The following MLLT6 variants were observed in gnomAD, a reference collection of about 807,000 sequenced individuals.
The protein encoded by MLLT6 is protein AF-17.
Under a neutral mutation model 103.0 loss-of-function variants are expected in MLLT6, and 22 were observed. That is an observed-to-expected ratio of 0.21 (90% confidence interval 0.15 to 0.31). MLLT6 has a LOEUF of 0.31. MLLT6 is among the 10% of genes least tolerant of loss of function. MLLT6 has a pLI of 1.00. For missense variants in MLLT6, 1,199 were observed against 1,441.7 expected, an observed-to-expected ratio of 0.83 and a Z score of 2.73; for synonymous variants, 606 against 623.5, an observed-to-expected ratio of 0.97 and a Z score of 0.42.
chr17:38,714,011 A>G (rs566609240), intron 8 of MLLT6: 31 of 152,382 alleles, frequency 2.0e-4, no homozygotes, highest in African/African-American at 7.2e-4. Flanking sequence ...ACTAGGAGGA[A>G]AAGGGCCTTC....
intron 16 of MLLT6, 115 bp from the exon 17 acceptor site, chr17:38,721,763 G>T: frequency 1.6e-6 from 1 of 639,364 alleles, no homozygotes; most frequent in East Asian, 3.4e-5. Context: ...CTTCCAGGGT[G>T]CCTGGGGGTG....
At chr17:38,711,514 A>C (rs1289871942) in intron 6 of MLLT6, among the ~76,000 whole-genome samples, 2 of 152,120 alleles carry the variant, frequency 1.3e-5, no homozygotes, top group African/African-American at 4.8e-5. Flanking sequence ...GCCGTGGCTC[A>C]GTCAGCCAAG....
chr17:38,717,865 T>C lies in MLLT6; in HGVS notation c.1854T>C (p.Ser618=). Residue 618 remains serine, a synonymous_variant, in exon 12 of 20, where the codon TCT becomes TCC. Transcript: ENST00000621332. The part of the protein sequence containing the change: ...STTQVFSLAG[S]TFSLPSTHIF... ...CTTAGGTGTTTTCTCTGGCTGGCTC[T>C]ACCTTTAGCCTCCCTTCTACCCACA... 1 of 1,613,892 alleles carries C rather than the reference T, an allele frequency of 6.2e-7. No individual in the cohort carries two copies. The highest frequency in any genetic ancestry group is 8.5e-7 in the Non-Finnish European group (1 of 1,179,766).
At chr17:38,710,805 GT>G (rs1287642576) in intron 6 of MLLT6, among the ~76,000 whole-genome samples, 3 of 152,212 alleles carry the variant, frequency 2.0e-5, no homozygotes, top group Admixed American at 6.5e-5. Context: ...TTTTGAAAGT[GT>G]CCAGGTTTGG....
chr17:38,724,601 C>A lies in MLLT6; in HGVS notation c.2884-19C>A, dbSNP rs763919952. 5.8e-6 allele frequency: 9 copies of A among 1,544,504 alleles called. No homozygotes were observed. Among genetic ancestry groups the A allele is most frequent in the Non-Finnish European group, 7.9e-6 (9 of 1,139,736 alleles). On this transcript the variant is annotated intron_variant, in intron 18 of 19. Coordinates refer to ENST00000621332, the MANE Select transcript of MLLT6 (RefSeq NM_005937.4). This position sits in a 1 kb window ranked among gnomAD's most constrained non-coding sequence, Gnocchi z 5.4. ...ACCCCCGGGACTGTTGGCCAACAAG[C>A]GGTCTGGCCCCCTTGCAGGAACACC...
rs145772552 is a variant in MLLT6, at chr17:38,711,909, G to C, written c.615G>C (p.Met205Ile). 1.4e-4 allele frequency: 220 copies of C among 1,606,538 alleles called. No individual in the cohort carries two copies. The East Asian group carries it at 3.9e-3, about 28-fold the overall frequency. The change falls in exon 7 of 20, where the codon ATG (methionine) becomes ATC (isoleucine). Residue 205 changes from methionine to isoleucine, a missense_variant. This residue lies in a region of MLLT6 where 1,034 missense variants were observed against 1,091.5 expected (regional missense o/e 0.95). Coordinates refer to ENST00000621332, the MANE Select transcript of MLLT6 (RefSeq NM_005937.4). Reference sequence around the variant, plus strand: ...GCGCTGGAGGAGGAGGTGGCAGCATGGGGGGAGGTGGCAGTGGTTTCATCT... The same window carrying C: ...GCGCTGGAGGAGGAGGTGGCAGCATCGGGGGAGGTGGCAGTGGTTTCATCT... The part of the protein sequence containing the change: ...GGGAGGGGGS[M>I]GGGGSGFISG...
In MLLT6 at chr17:38,711,137, G is replaced by A. The variant is rs148798256; in HGVS notation, c.553-710G>A. ...CTGAAATTAGCCCTTGGGTTTGGCA[G>A]TTGGGAGGTAGCTGGTGACCTTAGA... On this transcript the variant is annotated intron_variant, in intron 6 of 19. Coordinates refer to ENST00000621332, the MANE Select transcript of MLLT6 (RefSeq NM_005937.4). Among the ~76,000 whole-genome samples the A allele has an allele frequency of 2.0e-3, 308 of 152,278 alleles. 1 individual carries two copies. Among genetic ancestry groups the A allele is most frequent in the African/African-American group, 7.1e-3 (294 of 41,530 alleles).
chr17:38,724,537 G>GGGCCT lies in MLLT6; in HGVS notation c.2884-78_2884-74dup. 9.7e-7 allele frequency: 1 copy of GGGCCT among 1,035,168 alleles called. No individual in the cohort carries two copies. The highest frequency in any genetic ancestry group is 2.7e-5 in the Admixed American group (1 of 37,498). The allele number at this position is 1,035,168 out of a possible 1,614,324, so 64.1% of individuals were successfully genotyped here. On this transcript the variant is annotated intron_variant, in intron 18 of 19. Transcript: ENST00000621332. The surrounding 1 kb of genome is among the most constrained non-coding windows in gnomAD (Gnocchi z 5.4). ...CTCCTGATTCCAGTGTGATGGGGTG[G>GGGCCT]GGCCTGGCCAGGCAGGGCAGGCAGG...
chr17:38,711,911 G>T lies in MLLT6; in HGVS notation c.617G>T (p.Gly206Val), dbSNP rs1019076988. The change falls in exon 7 of 20, where the codon GGG (glycine) becomes GTG (valine). Residue 206 changes from glycine to valine, a missense_variant. This residue lies in a region of MLLT6 where 1,034 missense variants were observed against 1,091.5 expected (regional missense o/e 0.95). Coordinates refer to ENST00000621332, the MANE Select transcript of MLLT6 (RefSeq NM_005937.4). ...GGAGGGGGSM[G>V]GGGSGFISGR... ...GCTGGAGGAGGAGGTGGCAGCATGGGGGGAGGTGGCAGTGGTTTCATCTCT... is the reference window on the plus strand; with the variant it reads ...GCTGGAGGAGGAGGTGGCAGCATGGTGGGAGGTGGCAGTGGTTTCATCTCT... The T allele has an allele frequency of 1.9e-6, 3 of 1,608,456 alleles. No homozygotes were observed. The highest frequency in any genetic ancestry group is 1.3e-5 in the African/African-American group (1 of 74,756).
chr17:38,722,906 G>A (rs752913632), intron 18 of MLLT6, 138 bp downstream of exon 18: 104 of 685,124 alleles, frequency 1.5e-4, no homozygotes, highest in Non-Finnish European at 2.0e-4. Flanking sequence ...GTGGGACTGG[G>A]GCTGGGCCCT....
chr17:38,707,089 G>A (rs1904962258), intron 2 of MLLT6, 60 bp downstream of exon 2: 1 of 1,473,180 alleles, frequency 6.8e-7, no homozygotes. Context: ...GAGCGTCTCA[G>A]GTTGAGCTAG....
At chr17:38,717,350 G>C in intron 10 of MLLT6, 82 bp from the exon 11 acceptor site, 2 of 1,152,336 alleles carry the variant, frequency 1.7e-6, no homozygotes, top group Non-Finnish European at 1.2e-6. Context: ...CTCGAGCTGG[G>C]GAGGGGCTGT....
At chr17:38,715,566 A>G (rs1423005683) in intron 8 of MLLT6, 46 bp from the exon 9 acceptor site, 2 of 1,566,594 alleles carry the variant, frequency 1.3e-6, no homozygotes, top group East Asian at 4.5e-5. Flanking sequence ...GGATCAGCAC[A>G]GGCCCAGGCA....
Position 38,709,111 on chromosome 17 carries a change from TA to T in MLLT6, c.355-60del. On this transcript the variant is annotated intron_variant, in intron 4 of 19. Coordinates refer to ENST00000621332, the MANE Select transcript of MLLT6 (RefSeq NM_005937.4). This position sits in a 1 kb window ranked among gnomAD's most constrained non-coding sequence, Gnocchi z 4.3. ...AGCAAATGGAATGGAGGGGGTGGCC[TA>T]AGGACCATCAGTAGAACAGGGGCTC... 7.8e-7 allele frequency: 1 copy of T among 1,285,286 alleles called. No homozygotes were observed. Among genetic ancestry groups the T allele is most frequent in the Non-Finnish European group, 1.1e-6 (1 of 901,162 alleles). The allele number at this position is 1,285,286 out of a possible 1,614,324, so 79.6% of individuals were successfully genotyped here.
rs1042259732 is a variant in MLLT6 at position 38,727,807 on chromosome 17, A to T, written c.*2209A>T. 3.5e-5 allele frequency: 8 copies of T among 230,990 alleles called. No homozygotes were observed. The highest frequency in any genetic ancestry group is 1.5e-4 in the African/African-American group (7 of 45,198). 14.3% of individuals were successfully genotyped at this position (230,990 alleles called of 1,614,324 possible). A position where few individuals can be genotyped will look rare whatever the true frequency, so the allele number is the denominator to read the frequency against. The stretch of plus-strand genomic sequence containing the variant: ...GAGACTCTGTCTCAAAAGAGAAAAA[A>T]AAAGAAAAGTAACCTTCAGAGATTC... On this transcript the variant is annotated 3_prime_UTR_variant, in exon 20 of 20. Coordinates refer to ENST00000621332, the MANE Select transcript of MLLT6 (RefSeq NM_005937.4).
chr17:38,715,659 G>A lies in MLLT6; in HGVS notation c.867G>A (p.Gln289=). 1.2e-6 allele frequency: 2 copies of A among 1,614,060 alleles called. No homozygotes were observed. Among genetic ancestry groups the A allele is most frequent in the East Asian group, 2.2e-5 (1 of 44,878 alleles). The change falls in exon 9 of 20, where the codon CAG becomes CAA. Residue 289 remains glutamine, a synonymous_variant. Coordinates refer to ENST00000621332, the MANE Select transcript of MLLT6 (RefSeq NM_005937.4). ...CCTCCCACCACGAGGCCAGCACGCA[G>A]GAGACCTCTGAGAGCAGCAGGGAGT... is the stretch of plus-strand genomic sequence containing the variant. ...SSSSHHEAST[Q]ETSESSRESK...
Position 38,716,304 on chromosome 17 carries a change from C to T in MLLT6, c.1037-63C>T, listed in dbSNP as rs1006761417. 52 of 1,528,068 alleles carry T rather than the reference C, an allele frequency of 3.4e-5. No homozygotes were observed. The Admixed American group carries it at 4.2e-4, about 12-fold the overall frequency. 94.7% of individuals were successfully genotyped at this position (1,528,068 alleles called of 1,614,324 possible). A position where few individuals can be genotyped will look rare whatever the true frequency, so the allele number is the denominator to read the frequency against. Reference sequence around the variant, plus strand: ...CAGAGCTCTCTCCCGCCAGTACACGCGGGAGTGGGAGGGAGTGCGGGGATC... The same window carrying T: ...CAGAGCTCTCTCCCGCCAGTACACGTGGGAGTGGGAGGGAGTGCGGGGATC... On this transcript the variant is annotated intron_variant, in intron 9 of 19. Coordinates refer to ENST00000621332, the MANE Select transcript of MLLT6 (RefSeq NM_005937.4). The surrounding 1 kb of genome is among the most constrained non-coding windows in gnomAD (Gnocchi z 5.6).
chr17:38,706,577 C>T (rs1320630909), intron 1 of MLLT6: 1 of 187,128 alleles, frequency 5.3e-6, no homozygotes, highest in East Asian at 1.3e-4. Flanking sequence ...ATCCCCCCGC[C>T]CACAACAACA....
Position 38,727,578 on chromosome 17 carries a change from G to A in MLLT6, c.*1980G>A, listed in dbSNP as rs1009286370. On this transcript the variant is annotated 3_prime_UTR_variant, in exon 20 of 20. Transcript: ENST00000621332. ...AACACTTTGGGAGGCTGAGGCGGGC[G>A]GATCACTTAAGGTCAGGAGTTCAAG... 1.1e-4 allele frequency: 21 copies of A among 195,648 alleles called. No homozygotes were observed. The highest frequency in any genetic ancestry group is 4.9e-4 in the Admixed American group (8 of 16,446). 12.1% of individuals were successfully genotyped at this position (195,648 alleles called of 1,614,324 possible). A position where few individuals can be genotyped will look rare whatever the true frequency, so the allele number is the denominator to read the frequency against.
Sources: gnomAD v4.1 joint callset for allele counts (sites outside exome capture counted in the v4.1 genomes callset) on GRCh38, gnomAD v4.1.1 for gene constraint, gnomAD v4.1.1 regional missense constraint, Gnocchi (gnomAD v3.1) non-coding constraint, MANE v1.5 for transcripts, NCBI Gene and HGNC (gene_info 2026-07-23, HGNC 2026-07-21) for gene names.